FLNB: variants seen among roughly 807,000 people sequenced by gnomAD.
FLNB encodes filamin-B.
In FLNB, 111 loss-of-function variants were observed where a neutral mutation model predicts 250.6. The observed-to-expected ratio is 0.44, with a 90% CI of 0.38 to 0.52. The LOEUF (loss-of-function observed/expected upper bound fraction) is 0.52, where lower values mean the gene tolerates loss of function less well. Among genes scored for constraint, FLNB ranks in the 20% least tolerant of loss-of-function variants. FLNB has a pLI of 0.00. For missense variants in FLNB, 2,869 were observed against 3,447.8 expected (o/e 0.83, Z 4.20); for synonymous variants, 1,302 against 1,372.1 (o/e 0.95, Z 1.13).
In FLNB at chr3:58,169,295, A is replaced by G. The variant is rs2097376903; in HGVS notation, c.7418-295A>G. The G allele has an allele frequency of 6.6e-6, 3 of 455,300 alleles. No individual in the cohort carries two copies. Among genetic ancestry groups the G allele is most frequent in the Non-Finnish European group, 1.2e-5 (3 of 248,046 alleles). The allele number at this position is 455,300 out of a possible 1,614,324, so 28.2% of individuals were successfully genotyped here. ...ATTTTATGTCAATAGAAAGATGTGA[A>G]TTCCACAGGCACATCTTTGGTGGGT... On this transcript the variant is annotated intron_variant, in intron 44 of 45. Transcript: ENST00000295956. The surrounding 1 kb of genome is among the most constrained non-coding windows in gnomAD (Gnocchi z 4.8).
intron 42 of FLNB, 145 bp downstream of exon 42, chr3:58,159,831 T>G (rs995728385): frequency 3.4e-6 from 3 of 878,222 alleles, no homozygotes; most frequent in African/African-American, 1.7e-5. Flanking sequence ...AGATATTGTT[T>G]ATAAATTAGG....
rs969172392 is a variant in FLNB, at chr3:58,163,240, C to T, written c.7108C>T (p.Pro2370Ser). The change falls in exon 43 of 46, where the codon CCC becomes TCC. Residue 2370 changes from proline to serine, a missense_variant. Coordinates refer to ENST00000295956, the MANE Select transcript of FLNB (RefSeq NM_001457.4). ...KFNGSHVVGS[P>S]FKVRVGEPGQ... Reference sequence around the variant, plus strand: ...CAATGGGAGCCACGTGGTTGGAAGCCCCTTCAAAGTGCGCGTTGGGGAGCC... The same window carrying T: ...CAATGGGAGCCACGTGGTTGGAAGCTCCTTCAAAGTGCGCGTTGGGGAGCC... 3 of 1,614,068 alleles carry T rather than the reference C, an allele frequency of 1.9e-6. No individual in the cohort carries two copies. The highest frequency in any genetic ancestry group is 1.3e-5 in the African/African-American group (1 of 74,928).
Position 58,169,849 on chromosome 3 carries a change from T to G in FLNB, c.7621+56T>G. The G allele has an allele frequency of 6.9e-7, 1 of 1,445,260 alleles. No individual in the cohort carries two copies. 89.5% of individuals were successfully genotyped at this position (1,445,260 alleles called of 1,614,324 possible). A position where few individuals can be genotyped will look rare whatever the true frequency, so the allele number is the denominator to read the frequency against. The stretch of plus-strand genomic sequence containing the variant: ...TGGGGCAGGGGCAGGCTGGGCACCC[T>G]GGGTACACTGGCCTTCCCTGCTGAG... On this transcript the variant is annotated intron_variant, in intron 45 of 45. Transcript: ENST00000295956. This position sits in a 1 kb window ranked among gnomAD's most constrained non-coding sequence, Gnocchi z 4.8.
chr3:58,036,360 G>T (rs2097138126), intron 1 of FLNB, among the ~76,000 whole-genome samples: 1 of 152,198 alleles, frequency 6.6e-6, no homozygotes, highest in Non-Finnish European at 1.5e-5. Context: ...GAGCATTTGG[G>T]ATCAGAGTTT....
intron 1 of FLNB, among the ~76,000 whole-genome samples, chr3:58,039,272 T>C (rs1458136449): frequency 6.6e-6 from 1 of 150,820 alleles, no homozygotes; most frequent in Non-Finnish European, 1.5e-5. Context: ...GTGGGTTTGG[T>C]TTGTTAATTA....
chr3:58,022,574 A>G (rs2097115642), intron 1 of FLNB, among the ~76,000 whole-genome samples: 1 of 152,242 alleles, frequency 6.6e-6, no homozygotes, highest in Non-Finnish European at 1.5e-5. Context: ...GAATATAGAG[A>G]GAGCCCATAC....
rs374802923 is a variant in FLNB, at chr3:58,080,694, A to G, written c.640-935A>G. ...TTTTTAGTAGAAATGGGGTTTCACC[A>G]TGTTGGCCAGGCTTGTCTTGAACTC... On this transcript the variant is annotated intron_variant, in intron 3 of 45. Transcript: ENST00000295956. 4.0e-5 allele frequency among the ~76,000 whole-genome samples: 6 copies of G among 151,036 alleles called. No individual in the cohort carries two copies. In the East Asian group the frequency reaches 1.2e-3, roughly 29 times the overall value.
chr3:58,112,347 G>T, intron 18 of FLNB, 29 bp downstream of exon 18: 10 of 1,609,624 alleles, frequency 6.2e-6, no homozygotes, highest in Non-Finnish European at 8.5e-6. Flanking sequence ...CTGCTCCCCT[G>T]GCCCCCAGCC....
At chr3:58,074,062 A>G (rs1041377780) in intron 1 of FLNB, among the ~76,000 whole-genome samples, 4 of 152,246 alleles carry the variant, frequency 2.6e-5, no homozygotes, top group African/African-American at 9.6e-5. Context: ...GTTAGAATAA[A>G]GGCACAGGTT....
chr3:58,045,089 C>T (rs1228991278), intron 1 of FLNB, among the ~76,000 whole-genome samples: 1 of 152,154 alleles, frequency 6.6e-6, no homozygotes, highest in Non-Finnish European at 1.5e-5. Flanking sequence ...GGATGTGCCC[C>T]CTCACCATCC....
chr3:58,105,101 C>A lies in FLNB; in HGVS notation c.1632C>A (p.Gly544=). 4.3e-6 allele frequency: 7 copies of A among 1,614,198 alleles called. No homozygotes were observed. The highest frequency in any genetic ancestry group is 5.9e-6 in the Non-Finnish European group (7 of 1,180,028). ...GTAGCCCCTTTGAAGTTCAAGTTGG[C>A]CCTGAAGCGGGTATGCAGAAAGTCC... ...IPKSPFEVQV[G]PEAGMQKVRA... is the part of the protein sequence containing the mutation. The change falls in exon 11 of 46, where the codon GGC becomes GGA. Residue 544 remains glycine, a synonymous_variant. Transcript: ENST00000295956.
intron 1 of FLNB, among the ~76,000 whole-genome samples, chr3:58,050,146 C>A (rs2097160168): frequency 6.6e-6 from 1 of 151,558 alleles, no homozygotes; most frequent in Non-Finnish European, 1.5e-5. Context: ...TCTCCTGCCT[C>A]AGCCTCTGGA....
chr3:58,145,313 C>A (rs1331574479), intron 32 of FLNB, among the ~76,000 whole-genome samples: 1 of 152,136 alleles, frequency 6.6e-6, no homozygotes, highest in Non-Finnish European at 1.5e-5. Context: ...CTTTTTAATG[C>A]ATCATATTAT....
chr3:58,076,564 C>G (rs1246213690), intron 1 of FLNB, among the ~76,000 whole-genome samples: 1 of 152,140 alleles, frequency 6.6e-6, no homozygotes, highest in Non-Finnish European at 1.5e-5. Flanking sequence ...AAGCGATCCT[C>G]CAACCTCAGT....
intron 1 of FLNB, among the ~76,000 whole-genome samples, chr3:58,059,179 CT>C (rs1559663924): frequency 6.6e-6 from 1 of 152,106 alleles, no homozygotes; most frequent in Non-Finnish European, 1.5e-5. Flanking sequence ...ATCTGGTAGT[CT>C]TTTCTAAGAG....
At chr3:58,134,328 C>T (rs918748365) in intron 26 of FLNB, among the ~76,000 whole-genome samples, 1 of 152,224 alleles carries the variant, frequency 6.6e-6, no homozygotes, top group African/African-American at 2.4e-5. Context: ...ATCCTGAAAG[C>T]ATTCCCCCAC....
chr3:58,055,064 C>G (rs28707282), intron 1 of FLNB, among the ~76,000 whole-genome samples: 1 of 152,038 alleles, frequency 6.6e-6, no homozygotes, highest in African/African-American at 2.4e-5. Flanking sequence ...GTCAGGAGTT[C>G]AAGACCATCC....
chr3:58,039,911 G>A (rs756862658), intron 1 of FLNB, among the ~76,000 whole-genome samples: 4 of 152,172 alleles, frequency 2.6e-5, no homozygotes, highest in Non-Finnish European at 4.4e-5. Flanking sequence ...TTGGGAAGCT[G>A]AGGTGGGCAG....
chr3:58,125,753 G>C lies in FLNB; in HGVS notation c.4061+10G>C, dbSNP rs1559712850. The C allele has an allele frequency of 1.2e-6, 2 of 1,613,848 alleles. No individual in the cohort carries two copies. The highest frequency in any genetic ancestry group is 1.7e-6 in the Non-Finnish European group (2 of 1,179,850). ...TCACCGTGGTTACCAGGTAGGCAAG[G>C]CCCTACATTTGGTGTCTTGAGTCTC... is the stretch of plus-strand genomic sequence containing the variant. On this transcript the variant is annotated intron_variant, in intron 23 of 45. Coordinates refer to ENST00000295956, the MANE Select transcript of FLNB (RefSeq NM_001457.4).
Sources: allele counts gnomAD v4.1 joint callset (sites outside exome capture counted in the v4.1 genomes callset), GRCh38; gene constraint gnomAD v4.1.1; non-coding constraint Gnocchi (gnomAD v3.1); transcripts MANE v1.5; gene names NCBI Gene and HGNC (gene_info 2026-07-23, HGNC 2026-07-21).